ANXA10: variants seen among roughly 807,000 people sequenced by gnomAD.
The protein encoded by ANXA10 is annexin 14.
In ANXA10, 49 loss-of-function variants were observed where a neutral mutation model predicts 53.5. The ratio of observed to expected loss-of-function variants is 0.92; its 90% CI spans 0.73 to 1.16. The LOEUF (loss-of-function observed/expected upper bound fraction) is 1.16. Ranked by LOEUF, ANXA10 falls within the 50% of genes most tolerant of loss-of-function variation. ANXA10 has a pLI of 0.00. For synonymous variants in ANXA10, 131 were observed against 128.9 expected (o/e 1.02, Z -0.11); for missense variants, 393 against 394.4 (o/e 1.00, Z 0.03).
At chr4:168,181,791 T>C in intron 10 of ANXA10, 50 bp downstream of exon 10, 1 of 1,291,964 alleles carries the variant, frequency 7.7e-7, no homozygotes, top group Non-Finnish European at 1.1e-6. Flanking sequence ...GTGTCTGTTT[T>C]CTCAAAGGAT....
intron 3 of ANXA10, among the ~76,000 whole-genome samples, chr4:168,157,269 A>T (rs745318397): frequency 7.5e-5 from 10 of 133,576 alleles, no homozygotes; most frequent in South Asian, 2.2e-4. Flanking sequence ...ATTTCTTTAT[A>T]TTTTTTTTTC....
chr4:168,166,442 A>G (rs2149477962), intron 6 of ANXA10, among the ~76,000 whole-genome samples: 1 of 152,340 alleles, frequency 6.6e-6, no homozygotes, highest in South Asian at 2.1e-4. Context: ...ATTTTTAAAG[A>G]TATAATTATC....
At position 168,156,193 on chromosome 4, in the gene ANXA10, T is replaced by TATATATTAC. The variant is rs1560784494; in HGVS notation, c.196-6330_196-6329insTTACATATA. ...ATATTATATTATATATTATATATTA[T>TATATATTAC]ATATAATATATATTATATTATATGT... is the stretch of plus-strand genomic sequence containing the variant. On this transcript the variant is annotated intron_variant, in intron 3 of 11. Coordinates refer to ENST00000359299, the MANE Select transcript of ANXA10 (RefSeq NM_007193.5). Among the ~76,000 whole-genome samples, 10 of 22,554 alleles carry TATATATTAC rather than the reference T, an allele frequency of 4.4e-4. 1 individual carries two copies. Among genetic ancestry groups the TATATATTAC allele is most frequent in the African/African-American group, 1.9e-3 (9 of 4,856 alleles). The allele number at this position is 22,554 out of a possible 152,430, so 14.8% of individuals were successfully genotyped here.
intron 1 of ANXA10, among the ~76,000 whole-genome samples, chr4:168,112,915 C>T (rs1730834084): frequency 6.6e-6 from 1 of 151,756 alleles, no homozygotes; most frequent in Non-Finnish European, 1.5e-5. Context: ...CCCAGCAAGT[C>T]AGGAGTCTGA....
At chr4:168,178,080 T>A in intron 8 of ANXA10, 97 bp downstream of exon 8, 1 of 1,159,358 alleles carries the variant, frequency 8.6e-7, no homozygotes, top group Non-Finnish European at 1.2e-6. Context: ...TACAAGGAAA[T>A]AGCGGAAAGT....
At chr4:168,121,217 AAC>A (rs200743011) in intron 1 of ANXA10, among the ~76,000 whole-genome samples, 1,931 of 151,778 alleles carry the variant, frequency 0.013, 36 homozygotes, top group African/African-American at 0.044. Context: ...CTCACCAAAA[AAC>A]ACACACACAC....
chr4:168,127,930 G>T (rs549093012), intron 1 of ANXA10, among the ~76,000 whole-genome samples, 154 bp from the exon 2 acceptor site: 24 of 143,738 alleles, frequency 1.7e-4, no homozygotes, highest in African/African-American at 6.0e-4. Context: ...CATCATGTTG[G>T]CCAGGTTGGT....
intron 3 of ANXA10, among the ~76,000 whole-genome samples, chr4:168,158,527 TTCTTC>T (rs746384219): frequency 3.7e-4 from 57 of 152,334 alleles, no homozygotes; most frequent in Non-Finnish European, 7.8e-4. Context: ...TTCTGGTACT[TTCTTC>T]TAGAAGATTT....
chr4:168,140,618 C>CTTTTTTTTTTTTTTT (rs35945870), intron 3 of ANXA10, among the ~76,000 whole-genome samples: 1 of 147,050 alleles, frequency 6.8e-6, no homozygotes. Context: ...TAAGAAATGT[C>CTTTTTTTTTTTTTTT]TTTTTTTTTT....
chr4:168,151,665 A>G (rs1731499852), intron 3 of ANXA10, among the ~76,000 whole-genome samples: 2 of 152,138 alleles, frequency 1.3e-5, no homozygotes, highest in South Asian at 4.1e-4. Flanking sequence ...AGAATTTAAT[A>G]CTCTAATTAG....
intron 1 of ANXA10, among the ~76,000 whole-genome samples, chr4:168,115,952 A>G (rs888128930): frequency 2.0e-5 from 3 of 152,222 alleles, no homozygotes; most frequent in African/African-American, 7.2e-5. Context: ...ACTGTGGTAC[A>G]TGGATTTTTT....
rs116512826 is a variant in ANXA10, at chr4:168,167,608, G to A, written c.480+2282G>A. Among the ~76,000 whole-genome samples the A allele has an allele frequency of 2.1e-3, 313 of 152,246 alleles. 1 individual carries two copies. Among genetic ancestry groups the A allele is most frequent in the Middle Eastern group, 0.017 (5 of 294 alleles). ...TCCTCATATTTTGTTTATAGCACACGTTATCAATATTTCTTTAATCTTAGT... is the reference window on the plus strand; with the variant it reads ...TCCTCATATTTTGTTTATAGCACACATTATCAATATTTCTTTAATCTTAGT... On this transcript the variant is annotated intron_variant, in intron 6 of 11. Coordinates refer to ENST00000359299, the MANE Select transcript of ANXA10 (RefSeq NM_007193.5).
chr4:168,181,806 T>A (rs771025651), intron 10 of ANXA10, 65 bp downstream of exon 10: 57 of 1,155,400 alleles, frequency 4.9e-5, no homozygotes, highest in Non-Finnish European at 7.0e-5. Flanking sequence ...AAGGATTAAT[T>A]TTACTTCCAT....
At chr4:168,179,945 T>C (rs941614024) in intron 9 of ANXA10, among the ~76,000 whole-genome samples, 2 of 152,202 alleles carry the variant, frequency 1.3e-5, no homozygotes, top group Admixed American at 6.5e-5. Context: ...TGCTGGTGAA[T>C]TGACAGCACA....
At position 168,180,315 on chromosome 4, in the gene ANXA10, A is replaced by G. The variant is rs7690653; in HGVS notation, c.724+1003A>G. Among the ~76,000 whole-genome samples, 878 of 152,316 alleles carry G rather than the reference A, an allele frequency of 5.8e-3. 6 individuals are homozygous for G. The highest frequency in any genetic ancestry group is 0.018 in the African/African-American group (733 of 41,568). ...ATCCTTCATTTTATAAACAATGCCTAAGGAAACTAAGTAACTGCCTCCAAG... is the reference window on the plus strand; with the variant it reads ...ATCCTTCATTTTATAAACAATGCCTGAGGAAACTAAGTAACTGCCTCCAAG... On this transcript the variant is annotated intron_variant, in intron 9 of 11. Transcript: ENST00000359299.
intron 3 of ANXA10, among the ~76,000 whole-genome samples, chr4:168,154,716 T>G (rs1731571212): frequency 1.3e-5 from 2 of 152,172 alleles, no homozygotes; most frequent in South Asian, 4.1e-4. Flanking sequence ...TTTGCTATGT[T>G]CATCACTTTG....
At chr4:168,162,825 C>G (rs886451325) in intron 4 of ANXA10, among the ~76,000 whole-genome samples, 184 bp downstream of exon 4, 2 of 152,138 alleles carry the variant, frequency 1.3e-5, no homozygotes, top group African/African-American at 4.8e-5. Context: ...GAAGGTGGAG[C>G]CTCCTGGGCT....
At chr4:168,106,358 A>C (rs1170462607) in intron 1 of ANXA10, among the ~76,000 whole-genome samples, 4 of 152,084 alleles carry the variant, frequency 2.6e-5, no homozygotes, top group African/African-American at 9.7e-5. Flanking sequence ...AAAAATCTTA[A>C]AGTTTTAATT....
rs149693663 is a variant in ANXA10 at position 168,102,842 on chromosome 4, C to G, written c.18+10124C>G. Among the ~76,000 whole-genome samples the G allele has an allele frequency of 2.7e-3, 404 of 152,172 alleles. 2 individuals carry two copies. Among genetic ancestry groups the G allele is most frequent in the African/African-American group, 8.5e-3 (353 of 41,538 alleles). On this transcript the variant is annotated intron_variant, in intron 1 of 11. Coordinates refer to ENST00000359299, the MANE Select transcript of ANXA10 (RefSeq NM_007193.5). ...TTTAGCTTTAGAAAAAACTGGCAAA[C>G]TGTTTTCCCAAAGTGACTATACAAT...
Sources: gnomAD v4.1 joint callset for allele counts (sites outside exome capture counted in the v4.1 genomes callset) on GRCh38, gnomAD v4.1.1 for gene constraint, MANE v1.5 for transcripts, NCBI Gene and HGNC (gene_info 2026-07-23, HGNC 2026-07-21) for gene names.